Variants in RBFOX1 observed in about 807,000 individuals in gnomAD.
RBFOX1 encodes RNA binding protein fox-1 homolog 1.
Under a neutral mutation model 57.7 loss-of-function variants are expected in RBFOX1, and 8 were observed. The observed-to-expected ratio is 0.14, with a 90% CI of 0.08 to 0.25. The LOEUF (loss-of-function observed/expected upper bound fraction) is 0.25, where lower values mean the gene tolerates loss of function less well. Among genes scored for constraint, RBFOX1 ranks in the 10% least tolerant of loss-of-function variants. RBFOX1 has a pLI of 1.00. For missense variants in RBFOX1, 611 were observed against 548.5 expected, an observed-to-expected ratio of 1.11 and a Z score of -1.14; for synonymous variants, 326 against 222.4, an observed-to-expected ratio of 1.47 and a Z score of -4.15.
chr16:6,594,712 T>G (rs184633208), intron 2 of RBFOX1, among the ~76,000 whole-genome samples: 4 of 152,078 alleles, frequency 2.6e-5, no homozygotes, highest in Admixed American at 6.5e-5. Context: ...TTTTGAGATG[T>G]TTTTATTGAG....
rs866468833 is a variant in RBFOX1, at chr16:7,692,188, T to G, written c.995+15350T>G. Among the ~76,000 whole-genome samples the G allele has an allele frequency of 2.0e-5, 3 of 152,300 alleles. No homozygotes were observed. In the South Asian group the frequency reaches 6.2e-4, roughly 32 times the overall value. On this transcript the variant is annotated intron_variant, in intron 14 of 15. Transcript: ENST00000550418. Reference sequence around the variant, plus strand: ...TCTTAAGGAAAGTGATAAACTTAGTTGTGACTTGTTATGTAGGAGAAAAGT... The same window carrying G: ...TCTTAAGGAAAGTGATAAACTTAGTGGTGACTTGTTATGTAGGAGAAAAGT...
intron 2 of RBFOX1, among the ~76,000 whole-genome samples, chr16:5,560,886 A>G (rs2045866538): frequency 6.6e-6 from 1 of 152,182 alleles, no homozygotes; most frequent in Non-Finnish European, 1.5e-5. Context: ...CCTGGTGCCT[A>G]GGTCCTGCTG....
chr16:5,902,530 G>A (rs1020365861), intron 4 of RBFOX1, among the ~76,000 whole-genome samples: 3 of 151,970 alleles, frequency 2.0e-5, no homozygotes, highest in African/African-American at 4.8e-5. Context: ...ATTCTCCCGC[G>A]CCAGCCACCC....
intron 4 of RBFOX1, among the ~76,000 whole-genome samples, chr16:7,425,745 C>G (rs2098604400): frequency 6.6e-6 from 1 of 152,190 alleles, no homozygotes; most frequent in Non-Finnish European, 1.5e-5. Context: ...CCTCCTCCCT[C>G]TTTTAACAAA....
At chr16:7,389,492 C>G (rs1028714475) in intron 4 of RBFOX1, among the ~76,000 whole-genome samples, 1 of 152,280 alleles carries the variant, frequency 6.6e-6, no homozygotes, top group South Asian at 2.1e-4. Flanking sequence ...GATTCTTGAT[C>G]TTTGTTCTGG....
At chr16:5,373,027 A>G (rs1288867999) in intron 1 of RBFOX1, among the ~76,000 whole-genome samples, 8 of 152,268 alleles carry the variant, frequency 5.3e-5, no homozygotes, top group Admixed American at 5.2e-4. Context: ...AATTTAAAGA[A>G]ATAGCTTTCA....
chr16:6,898,495 A>T (rs1224407906), intron 3 of RBFOX1, among the ~76,000 whole-genome samples: 1 of 152,308 alleles, frequency 6.6e-6, no homozygotes, highest in East Asian at 1.9e-4. Flanking sequence ...CATAGTAAAG[A>T]TTTATTGCAA....
At chr16:7,199,303 C>G (rs756339260) in intron 4 of RBFOX1, among the ~76,000 whole-genome samples, 1 of 151,006 alleles carries the variant, frequency 6.6e-6, no homozygotes, top group South Asian at 2.1e-4. Flanking sequence ...TTTAATAATT[C>G]AGGATCCACT....
intron 4 of RBFOX1, among the ~76,000 whole-genome samples, chr16:7,172,724 A>G (rs2080940680): frequency 6.6e-6 from 1 of 152,190 alleles, no homozygotes; most frequent in Non-Finnish European, 1.5e-5. Flanking sequence ...TGATGAGTTC[A>G]CCTACATGGG....
At position 5,742,525 on chromosome 16, in the gene RBFOX1, G is replaced by T. The variant is rs1189035802; in HGVS notation, c.319-124778G>T. ...GCTGTCAAAGGAGAGAAACAAGCCCGATCACTTCTCTTGCATCCTCCGGTG... is the reference window on the plus strand; with the variant it reads ...GCTGTCAAAGGAGAGAAACAAGCCCTATCACTTCTCTTGCATCCTCCGGTG... On this transcript the variant is annotated intron_variant, in intron 3 of 19. Transcript: ENST00000641259. Among the ~76,000 whole-genome samples, 3 of 152,154 alleles carry T rather than the reference G, an allele frequency of 2.0e-5. No homozygotes were observed. The East Asian group carries it at 5.8e-4, about 29-fold the overall frequency.
intron 1 of RBFOX1, among the ~76,000 whole-genome samples, chr16:6,256,455 C>A (rs1288370950): frequency 4.0e-5 from 6 of 151,112 alleles, no homozygotes; most frequent in Non-Finnish European, 1.5e-5. Context: ...ATCCTTGGAG[C>A]CCTGGGACAG....
intron 1 of RBFOX1, among the ~76,000 whole-genome samples, chr16:6,029,764 C>G (rs1373557556): frequency 8.2e-6 from 1 of 121,500 alleles, no homozygotes; most frequent in Non-Finnish European, 1.7e-5. Context: ...CAGATCGAGA[C>G]TCCGTCTCAA....
intron 4 of RBFOX1, among the ~76,000 whole-genome samples, chr16:7,439,675 G>A (rs868516375): frequency 2.2e-4 from 33 of 152,254 alleles, no homozygotes; most frequent in Middle Eastern, 3.4e-3. Flanking sequence ...TGTTTTAAAG[G>A]CACTATTCAT....
At chr16:5,987,147 T>G (rs1466534539) in intron 4 of RBFOX1, among the ~76,000 whole-genome samples, 1 of 152,262 alleles carries the variant, frequency 6.6e-6, no homozygotes, top group East Asian at 1.9e-4. Context: ...CGTTCTTATG[T>G]TCTCATTTAC....
At chr16:7,543,632 A>G (rs1435755607) in intron 5 of RBFOX1, among the ~76,000 whole-genome samples, 2 of 150,050 alleles carry the variant, frequency 1.3e-5, no homozygotes, top group Non-Finnish European at 3.0e-5. Context: ...TAACAGCTGT[A>G]TTTTATTGAG....
intron 4 of RBFOX1, among the ~76,000 whole-genome samples, chr16:7,227,422 A>G (rs1011803106): frequency 5.3e-5 from 8 of 152,156 alleles, no homozygotes; most frequent in African/African-American, 7.2e-5. Flanking sequence ...GGAATTTTGC[A>G]TGCTCTGTCC....
chr16:6,073,103 C>T (rs1047842287), intron 1 of RBFOX1, among the ~76,000 whole-genome samples: 1 of 152,140 alleles, frequency 6.6e-6, no homozygotes, highest in African/African-American at 2.4e-5. Flanking sequence ...AATTTCTTTA[C>T]CAGTGTTGTA....
intron 1 of RBFOX1, among the ~76,000 whole-genome samples, chr16:6,127,967 A>T (rs1407301702): frequency 6.6e-6 from 1 of 152,092 alleles, no homozygotes; most frequent in Non-Finnish European, 1.5e-5. Context: ...TGTATCTGAA[A>T]ACCTCTCCAG....
chr16:7,122,998 A>G (rs1266750544), intron 4 of RBFOX1, among the ~76,000 whole-genome samples: 1 of 152,016 alleles, frequency 6.6e-6, no homozygotes, highest in Non-Finnish European at 1.5e-5. Flanking sequence ...CAAGAAAGAA[A>G]GCTGTAGGTT....
Sources: gnomAD v4.1 joint callset for allele counts (sites outside exome capture counted in the v4.1 genomes callset) on GRCh38, gnomAD v4.1.1 for gene constraint, MANE v1.5 for transcripts, NCBI Gene and HGNC (gene_info 2026-07-23, HGNC 2026-07-21) for gene names.